Variants in AUNIP observed in about 807,000 individuals in gnomAD.
AUNIP encodes aurora kinase A and ninein interacting protein.
A neutral mutation model predicts 12.2 loss-of-function variants in AUNIP; 16 were observed. The observed-to-expected ratio is 1.31, with a 90% CI of 0.88 to 1.99. The LOEUF (loss-of-function observed/expected upper bound fraction) is 1.99. AUNIP is among the 30% of genes most tolerant of loss of function. The pLI is 0.00. For synonymous variants in AUNIP, 142 were observed against 154.8 expected (o/e 0.92, Z 0.61); for missense variants, 411 against 419.1 (o/e 0.98, Z 0.17).
intron 1 of AUNIP, among the ~76,000 whole-genome samples, chr1:25,857,720 G>A (rs556658618): frequency 1.3e-5 from 2 of 151,800 alleles, no homozygotes; most frequent in African/African-American, 4.8e-5. Flanking sequence ...AAAATCAGCC[G>A]AGCGTAGTGG....
intron 1 of AUNIP, among the ~76,000 whole-genome samples, chr1:25,846,416 CAAAAAAAAAAAAAAAA>C (rs57719994): frequency 3.4e-5 from 1 of 29,832 alleles, no homozygotes; most frequent in Non-Finnish European, 5.6e-5. Context: ...GACTCCATCT[CAAAAAAAAAAAAAAAA>C]AAAAAAAAAA....
chr1:25,833,865 G>A (rs890516712), downstream of AUNIP: 1 of 306,634 alleles, frequency 3.3e-6, no homozygotes, highest in Non-Finnish European at 4.8e-6. Flanking sequence ...CAACAACAAG[G>A]AATAATGCCT....
At chr1:25,837,315 C>A in intron 2 of AUNIP, 98 bp downstream of exon 2, 1 of 1,395,418 alleles carries the variant, frequency 7.2e-7, no homozygotes, top group Non-Finnish European at 9.7e-7. Context: ...ACACAATGCA[C>A]TGGTTTCACC....
rs1308156721 is a variant in AUNIP, at chr1:25,847,128, T to G, written c.79-9574A>C. Among the ~76,000 whole-genome samples, 1 of 152,244 alleles carries G rather than the reference T, an allele frequency of 6.6e-6. No individual in the cohort carries two copies. The highest frequency in any genetic ancestry group is 2.4e-5 in the African/African-American group (1 of 41,460). On this transcript the variant is annotated intron_variant, in intron 1 of 2. Coordinates refer to ENST00000374298, the MANE Select transcript of AUNIP (RefSeq NM_024037.3). The surrounding 1 kb of genome is among the most constrained non-coding windows in gnomAD (Gnocchi z 4.2). ...TTTCTATTTTTATTTTTCTCTGTCC[T>G]TTACCTACTCAGCTACCAATTTCCA...
intron 1 of AUNIP, among the ~76,000 whole-genome samples, chr1:25,854,225 C>T (rs749094534): frequency 2.0e-5 from 3 of 151,974 alleles, no homozygotes; most frequent in Non-Finnish European, 4.4e-5. Context: ...AATAAACAAA[C>T]AAATAAATAA....
chr1:25,835,969 C>T lies in AUNIP; in HGVS notation c.221-123G>A. ...TACCTAGTGCAGGAGTCTTAAGACT[C>T]TTCACATAACTTTGTAGCCAATCTT... On this transcript the variant is annotated intron_variant, in intron 2 of 2. Transcript: ENST00000374298. 2.2e-6 allele frequency: 3 copies of T among 1,378,244 alleles called. No homozygotes were observed. In the South Asian group the frequency reaches 4.5e-5, roughly 21 times the overall value. 85.4% of individuals were successfully genotyped at this position (1,378,244 alleles called of 1,614,324 possible).
chr1:25,852,132 T>C (rs2048427575), intron 1 of AUNIP, among the ~76,000 whole-genome samples: 1 of 152,128 alleles, frequency 6.6e-6, no homozygotes, highest in Non-Finnish European at 1.5e-5. Flanking sequence ...TTTGTATTTT[T>C]TGGTAGAGAT....
At chr1:25,858,898 A>G (rs72664008) in intron 1 of AUNIP, among the ~76,000 whole-genome samples, 53 of 152,108 alleles carry the variant, frequency 3.5e-4, no homozygotes, top group Middle Eastern at 3.4e-3. Context: ...TTGCATTCGC[A>G]TCCATCTCCC....
intron 2 of AUNIP, 132 bp downstream of exon 2, chr1:25,837,281 A>G: frequency 9.0e-7 from 1 of 1,111,490 alleles, no homozygotes; most frequent in Non-Finnish European, 1.2e-6. Flanking sequence ...ATGTTTTATA[A>G]CCTCTTCTAA....
chr1:25,851,751 C>G (rs2048425130), intron 1 of AUNIP, among the ~76,000 whole-genome samples: 2 of 151,846 alleles, frequency 1.3e-5, no homozygotes, highest in African/African-American at 4.8e-5. Context: ...TCTTTATTTT[C>G]TTTTTTAGAC....
chr1:25,844,954 C>CATG (rs1013885373), intron 1 of AUNIP, among the ~76,000 whole-genome samples: 1 of 152,196 alleles, frequency 6.6e-6, no homozygotes, highest in Non-Finnish European at 1.5e-5. Flanking sequence ...ACCTCATAAG[C>CATG]ATGCCCTAAG....
chr1:25,850,788 T>C (rs1332225128), intron 1 of AUNIP, among the ~76,000 whole-genome samples: 1 of 151,648 alleles, frequency 6.6e-6, no homozygotes, highest in Non-Finnish European at 1.5e-5. Context: ...CTAATTTTTT[T>C]AAGTGGATTC....
chr1:25,832,197 CAAACCCTAGCAGAAGCT>C (rs1370216526), downstream of AUNIP: 3 of 1,530,784 alleles, frequency 2.0e-6, no homozygotes, highest in Admixed American at 2.0e-5. Context: ...TCCCAGACTT[CAAACCCTAGCAGAAGCT>C]AAGGCTTGTG....
chr1:25,852,614 A>T (rs935631344), intron 1 of AUNIP, among the ~76,000 whole-genome samples: 3 of 151,654 alleles, frequency 2.0e-5, no homozygotes, highest in Non-Finnish European at 2.9e-5. Flanking sequence ...TAATTTTGGT[A>T]TTTTTAGTAG....
rs1307634711 is a variant in AUNIP, at chr1:25,835,702, G to A, written c.365C>T (p.Ser122Leu). 6.2e-7 allele frequency: 1 copy of A among 1,614,204 alleles called. No individual in the cohort carries two copies. Among genetic ancestry groups the A allele is most frequent in the Non-Finnish European group, 8.5e-7 (1 of 1,180,038 alleles). The change falls in exon 3 of 3, where the codon TCA (serine) becomes TTA (leucine). Residue 122 changes from serine (S) to leucine (L), a missense_variant. By Grantham distance (145) the Ser-to-Leu change is moderately radical. Coordinates refer to ENST00000374298, the MANE Select transcript of AUNIP (RefSeq NM_024037.3). Reference sequence around the variant, plus strand: ...AGCTTCCTGGATGTCTGCAGTGGTTGAAGTGGCTAAAGGGGATGCCATGCA... The same window carrying A: ...AGCTTCCTGGATGTCTGCAGTGGTTAAAGTGGCTAAAGGGGATGCCATGCA... The part of the protein sequence containing the change: ...HDCMASPLAT[S>L]TTADIQEAGL...
chr1:25,837,731 C>T (rs762246633), intron 1 of AUNIP, among the ~76,000 whole-genome samples, 177 bp from the exon 2 acceptor site: 21 of 152,218 alleles, frequency 1.4e-4, no homozygotes, highest in South Asian at 4.1e-4. Context: ...GCCATTGTAA[C>T]GGTGTTTTTC....
At chr1:25,832,271 T>G, downstream of AUNIP, 1 of 1,200,384 alleles carries the variant, frequency 8.3e-7, no homozygotes, top group East Asian at 2.6e-5. Context: ...GAATGAAGTA[T>G]CTTAGTTTAA....
chr1:25,856,543 T>G (rs2048462752), intron 1 of AUNIP, among the ~76,000 whole-genome samples: 1 of 150,618 alleles, frequency 6.6e-6, no homozygotes, highest in Admixed American at 6.6e-5. Flanking sequence ...GGCAAGGTGG[T>G]GCATGCCTGT....
In AUNIP at chr1:25,834,996, G is replaced by GAATTGGTGTCTGAT; in HGVS notation, c.1057_1070dup (p.Phe357LeufsTer14). 1 of 1,603,986 alleles carries GAATTGGTGTCTGAT rather than the reference G, an allele frequency of 6.2e-7. No individual in the cohort carries two copies. The highest frequency in any genetic ancestry group is 1.1e-5 in the South Asian group (1 of 90,324). Reference sequence around the variant, plus strand: ...TTAGAAACAAAGCTTCAAACATTTAGAATTGGTGTCTGATAACTTGATTAC... The same window carrying GAATTGGTGTCTGAT: ...TTAGAAACAAAGCTTCAAACATTTAGAATTGGTGTCTGATAATTGGTGTCTGATAACTTGATTAC... On this transcript the variant is annotated frameshift_variant, in exon 3 of 3. Coordinates refer to ENST00000374298, the MANE Select transcript of AUNIP (RefSeq NM_024037.3). LOFTEE classifies it high-confidence loss of function.
Sources: allele counts gnomAD v4.1 joint callset (sites outside exome capture counted in the v4.1 genomes callset), GRCh38; gene constraint gnomAD v4.1.1; non-coding constraint Gnocchi (gnomAD v3.1); transcripts MANE v1.5; gene names NCBI Gene and HGNC (gene_info 2026-07-23, HGNC 2026-07-21).